The following ACACA variants were observed in gnomAD, a reference collection of about 807,000 sequenced individuals.
ACACA encodes the protein acetyl-CoA carboxylase 1.
ACACA carries 103 observed loss-of-function variants against 296.1 expected under a neutral mutation model. The ratio of observed to expected loss-of-function variants is 0.35; its 90% CI spans 0.30 to 0.41. The LOEUF (loss-of-function observed/expected upper bound fraction) is 0.41. Ranked by LOEUF, ACACA falls within the 10% of genes least tolerant of loss-of-function variation. The pLI is 1.00. For missense variants in ACACA, 1,554 were observed against 2,989.7 expected, an observed-to-expected ratio of 0.52 and a Z score of 11.20; for synonymous variants, 953 against 1,038.6, an observed-to-expected ratio of 0.92 and a Z score of 1.58.
intron 3 of ACACA, among the ~76,000 whole-genome samples, chr17:37,308,174 G>A (rs1447899476): frequency 6.6e-6 from 1 of 151,982 alleles, no homozygotes. Context: ...AATAACAAAG[G>A]TAATAAAATC....
rs915413100 is a variant in ACACA at position 37,215,005 on chromosome 17, C to A, written c.3684-4515G>T. Reference sequence around the variant, plus strand: ...CACATGGAAGGCTCCTGATTTCTAACCTTCCTTATGAATAAAAAGTCCAGA... The same window carrying A: ...CACATGGAAGGCTCCTGATTTCTAAACTTCCTTATGAATAAAAAGTCCAGA... On this transcript the variant is annotated intron_variant, in intron 29 of 55. Coordinates refer to ENST00000616317, the MANE Select transcript of ACACA (RefSeq NM_198834.3). Among the ~76,000 whole-genome samples the A allele has an allele frequency of 3.3e-5, 5 of 152,278 alleles. No homozygotes were observed. The East Asian group carries it at 9.6e-4, about 29-fold the overall frequency.
At chr17:37,121,191 T>C (rs2074510993) in intron 50 of ACACA, among the ~76,000 whole-genome samples, 164 bp downstream of exon 50, 1 of 152,192 alleles carries the variant, frequency 6.6e-6, no homozygotes, top group South Asian at 2.1e-4. Context: ...ATGTACTTTT[T>C]TCCATTCAAG....
intron 45 of ACACA, among the ~76,000 whole-genome samples, 163 bp downstream of exon 45, chr17:37,149,701 G>T (rs1364738852): frequency 6.6e-6 from 1 of 152,178 alleles, no homozygotes; most frequent in Non-Finnish European, 1.5e-5. Context: ...TGAATAAAAA[G>T]GCAAGCAAGT....
rs770043925 is a variant in ACACA, at chr17:37,388,770, T to C, written c.38+17492A>G. 3.1e-6 allele frequency: 5 copies of C among 1,613,270 alleles called. No individual in the cohort carries two copies. The East Asian group carries it at 1.1e-4, about 36-fold the overall frequency. ...TCAGTGGAGTTGCCATTATAGTATT[T>C]GTAATTTTTGAAGTCCCATGTCCTG... On this transcript the variant is annotated intron_variant, in intron 1 of 55. Transcript: ENST00000616317.
rs578046669 is a variant in ACACA, at chr17:37,253,394, C to A, written c.1827-358G>T. 5.0e-3 allele frequency among the ~76,000 whole-genome samples: 755 copies of A among 151,170 alleles called. 3 individuals carry two copies. The highest frequency in any genetic ancestry group is 0.017 in the African/African-American group (714 of 41,168). The stretch of plus-strand genomic sequence containing the variant: ...GCGACAGAGCGAGACTCTGTCCCCC[C>A]AAAAAAATAAAAATAAAAATAAAAG... On this transcript the variant is annotated intron_variant, in intron 14 of 55. Coordinates refer to ENST00000616317, the MANE Select transcript of ACACA (RefSeq NM_198834.3).
At chr17:37,384,749 A>C (rs1441051976) in intron 1 of ACACA, among the ~76,000 whole-genome samples, 1 of 152,180 alleles carries the variant, frequency 6.6e-6, no homozygotes, top group African/African-American at 2.4e-5. Context: ...GTCTGCCAAC[A>C]CTGTCTTCCT....
chr17:37,260,296 A>ATAT (rs2081443114), intron 11 of ACACA, among the ~76,000 whole-genome samples: 2 of 18,976 alleles, frequency 1.1e-4, no homozygotes, highest in Admixed American at 1.2e-3. Context: ...ATATATATAT[A>ATAT]TTTTTTTTTT....
At chr17:37,379,669 A>T (rs890585484) in intron 1 of ACACA, among the ~76,000 whole-genome samples, 1 of 152,030 alleles carries the variant, frequency 6.6e-6, no homozygotes, top group African/African-American at 2.4e-5. Flanking sequence ...AAAACACATG[A>T]AAAAATGCTC....
In ACACA at chr17:37,097,027, C is replaced by A; in HGVS notation, c.6860G>T (p.Arg2287Leu). 6.2e-7 allele frequency: 1 copy of A among 1,614,124 alleles called. No individual in the cohort carries two copies. Among genetic ancestry groups the A allele is most frequent in the Non-Finnish European group, 8.5e-7 (1 of 1,180,036 alleles). ...TGTTCCTTCCACTTCCACAAACCAG[C>A]GCCTTAACATGGCTTGAATCTGGCC... ...TDGQIQAMLR[R>L]WFVEVEGTVK... Residue 2287 changes from arginine to leucine, a missense_variant, in exon 54 of 56, where the codon CGC becomes CTC. Physicochemically the swap from Arg to Leu is moderately radical, Grantham distance 102 (BLOSUM62 -2). This residue lies in a region of ACACA where 553 missense variants were observed against 1,043.6 expected (regional missense o/e 0.53). Coordinates refer to ENST00000616317, the MANE Select transcript of ACACA (RefSeq NM_198834.3). This position sits in a 1 kb window ranked among gnomAD's most constrained non-coding sequence, Gnocchi z 4.8.
intron 48 of ACACA, among the ~76,000 whole-genome samples, chr17:37,124,220 C>T (rs930857059): frequency 2.0e-5 from 3 of 152,136 alleles, no homozygotes; most frequent in Non-Finnish European, 2.9e-5. Context: ...TATGTGTATA[C>T]GTTTGGAGTA....
intron 5 of ACACA, among the ~76,000 whole-genome samples, chr17:37,278,649 A>T (rs745828643): frequency 7.9e-5 from 12 of 152,202 alleles, no homozygotes; most frequent in Non-Finnish European, 1.5e-4. Flanking sequence ...TGACAACTGT[A>T]ACAGAAGAGC....
chr17:37,398,117 C>T (rs1308394144), intron 1 of ACACA, among the ~76,000 whole-genome samples: 1 of 150,716 alleles, frequency 6.6e-6, no homozygotes, highest in Non-Finnish European at 1.5e-5. Flanking sequence ...GTACTCCCAG[C>T]TACTCAGGAG....
intron 16 of ACACA, among the ~76,000 whole-genome samples, chr17:37,251,362 C>G (rs1341453731): frequency 6.6e-6 from 1 of 152,090 alleles, no homozygotes; most frequent in African/African-American, 2.4e-5. Flanking sequence ...AATCTCAGTT[C>G]AATTTTTAAA....
chr17:37,382,094 T>C (rs1481056392), intron 1 of ACACA, among the ~76,000 whole-genome samples: 1 of 152,208 alleles, frequency 6.6e-6, no homozygotes, highest in Non-Finnish European at 1.5e-5. Flanking sequence ...TCAGTATCTA[T>C]ATATATTCTT....
At chr17:37,177,324 TATA>T (rs1244427180) in intron 41 of ACACA, among the ~76,000 whole-genome samples, 1 of 151,362 alleles carries the variant, frequency 6.6e-6, no homozygotes, top group African/African-American at 2.4e-5. Context: ...CAGAGGCCCG[TATA>T]ATAAGACTAT....
intron 5 of ACACA, 137 bp from the exon 6 acceptor site, chr17:37,278,142 G>A (rs1425474188): frequency 4.2e-6 from 3 of 722,148 alleles, no homozygotes; most frequent in Non-Finnish European, 7.4e-6. Context: ...TAATTTCCAG[G>A]ACCATTTAGT....
chr17:37,372,985 A>G (rs2147686524), intron 1 of ACACA, among the ~76,000 whole-genome samples: 1 of 151,684 alleles, frequency 6.6e-6, no homozygotes, highest in East Asian at 1.9e-4. Context: ...GGTTCAAGTG[A>G]TTCTCTTGCC....
At chr17:37,162,401 G>C (rs2076495713) in intron 41 of ACACA, among the ~76,000 whole-genome samples, 1 of 152,152 alleles carries the variant, frequency 6.6e-6, no homozygotes, top group South Asian at 2.1e-4. Flanking sequence ...TATATACTAA[G>C]ACACTGATAT....
At chr17:37,391,884 T>C in intron 1 of ACACA, 1 of 678,700 alleles carries the variant, frequency 1.5e-6, no homozygotes. Context: ...CTTAGCAGAG[T>C]TACCCTCATG....
Sources: allele counts gnomAD v4.1 joint callset (sites outside exome capture counted in the v4.1 genomes callset), GRCh38; gene constraint gnomAD v4.1.1; regional missense constraint gnomAD v4.1.1; non-coding constraint Gnocchi (gnomAD v3.1); transcripts MANE v1.5; gene names NCBI Gene and HGNC (gene_info 2026-07-23, HGNC 2026-07-21).